Variants in CATSPERT observed in about 807,000 individuals in gnomAD.
The protein encoded by CATSPERT is catsper channel auxiliary subunit tau.
At chr2:201,583,238 GAAGAC>G in the CATSPERT span, among the ~76,000 whole-genome samples, 4 of 152,100 alleles carry the variant, frequency 2.6e-5, no homozygotes, top group Non-Finnish European at 5.9e-5. Context: ...AAAGAACAGA[GAAGAC>G]AAGACATGAT....
At chr2:201,491,747 G>A in the CATSPERT span, 6 of 1,536,980 alleles carry the variant, frequency 3.9e-6, no homozygotes, top group Admixed American at 9.8e-5. Flanking sequence ...ATGTTTACAT[G>A]CTCCTTTCTA....
At chr2:201,505,569 T>C in the CATSPERT span, among the ~76,000 whole-genome samples, 2 of 152,280 alleles carry the variant, frequency 1.3e-5, no homozygotes, top group African/African-American at 4.8e-5. Flanking sequence ...ATTGGGGACA[T>C]TCTGCAGGAT....
the CATSPERT span, chr2:201,601,619 A>G: frequency 1.1e-6 from 1 of 927,130 alleles, no homozygotes; most frequent in South Asian, 1.8e-5. Context: ...GATACCAAAT[A>G]AAAAGGCACT....
the CATSPERT span, among the ~76,000 whole-genome samples, chr2:201,548,634 G>T: frequency 6.6e-6 from 1 of 152,120 alleles, no homozygotes; most frequent in East Asian, 1.9e-4. Context: ...ATACCTTAAA[G>T]ATATAATTAA....
At chr2:201,544,819 T>TAA in the CATSPERT span, among the ~76,000 whole-genome samples, 1 of 52,042 alleles carries the variant, frequency 1.9e-5, no homozygotes, top group South Asian at 7.4e-4. Flanking sequence ...ATCCTGTCTC[T>TAA]ACAAAAAAAA....
At chr2:201,598,339 A>G in the CATSPERT span, among the ~76,000 whole-genome samples, 1 of 152,162 alleles carries the variant, frequency 6.6e-6, no homozygotes, top group East Asian at 1.9e-4. Flanking sequence ...TCCAGGCCTC[A>G]AGCATTCCTC....
chr2:201,612,363 C>T, the CATSPERT span, among the ~76,000 whole-genome samples: 8 of 151,988 alleles, frequency 5.3e-5, no homozygotes, highest in Non-Finnish European at 8.8e-5. Flanking sequence ...CACCTGAGGT[C>T]AGGAGTTCAA....
the CATSPERT span, among the ~76,000 whole-genome samples, chr2:201,523,811 G>A: frequency 6.6e-6 from 1 of 152,084 alleles, no homozygotes; most frequent in Admixed American, 6.6e-5. Context: ...AAACTAATCT[G>A]GTAGAGCTGA....
chr2:201,487,940 G>A, the CATSPERT span: 2 of 1,500,130 alleles, frequency 1.3e-6, no homozygotes, highest in Non-Finnish European at 1.8e-6. Flanking sequence ...GGTAAATTAG[G>A]TTTCTTAAAA....
chr2:201,584,698 G>A, the CATSPERT span, among the ~76,000 whole-genome samples: 4 of 151,838 alleles, frequency 2.6e-5, no homozygotes, highest in Non-Finnish European at 2.9e-5. Context: ...CAGGAGAATC[G>A]CTTGAACCCG....
At chr2:201,595,807 T>A in the CATSPERT span, among the ~76,000 whole-genome samples, 1 of 149,936 alleles carries the variant, frequency 6.7e-6, no homozygotes, top group East Asian at 1.9e-4. Context: ...AACAATCATG[T>A]GAAAAAAAGC....
At chr2:201,511,845 TAAAAAAAAAAAA>T in the CATSPERT span, 2 of 86,628 alleles carry the variant, frequency 2.3e-5, no homozygotes, top group African/African-American at 4.7e-5. Flanking sequence ...CTTGGCTCAT[TAAAAAAAAAAAA>T]AAAAAAAAAA....
chr2:201,542,693 T>TTTTA, the CATSPERT span, among the ~76,000 whole-genome samples: 1 of 152,202 alleles, frequency 6.6e-6, no homozygotes, highest in Non-Finnish European at 1.5e-5. Flanking sequence ...TCAGTCCATT[T>TTTTA]TTTATTTATT....
chr2:201,581,406 A>G, the CATSPERT span, among the ~76,000 whole-genome samples: 1 of 132,872 alleles, frequency 7.5e-6, no homozygotes, highest in African/African-American at 2.9e-5. Context: ...TAAAAGTGTA[A>G]GTGTGGGTTT....
At chr2:201,616,998 C>T in the CATSPERT span, among the ~76,000 whole-genome samples, 6 of 152,160 alleles carry the variant, frequency 3.9e-5, no homozygotes, top group Non-Finnish European at 8.8e-5. Flanking sequence ...ATCCAACTTA[C>T]AAGGGATGTG....
At chr2:201,563,226 G>T in the CATSPERT span, among the ~76,000 whole-genome samples, 2 of 136,990 alleles carry the variant, frequency 1.5e-5, no homozygotes, top group South Asian at 2.4e-4. Flanking sequence ...CTGGGCGGCT[G>T]GCTGGGCAGA....
At chr2:201,576,877 C>T in the CATSPERT span, among the ~76,000 whole-genome samples, 1 of 152,128 alleles carries the variant, frequency 6.6e-6, no homozygotes, top group Non-Finnish European at 1.5e-5. Flanking sequence ...AGCTGAGTCC[C>T]GATAGGACTG....
At chr2:201,542,664 T>A in the CATSPERT span, among the ~76,000 whole-genome samples, 1 of 152,218 alleles carries the variant, frequency 6.6e-6, no homozygotes, top group Non-Finnish European at 1.5e-5. Flanking sequence ...CTTCTTTGGA[T>A]AAATATGTAT....
the CATSPERT span, among the ~76,000 whole-genome samples, chr2:201,559,056 G>A: frequency 6.6e-6 from 1 of 152,306 alleles, no homozygotes; most frequent in South Asian, 2.1e-4. Context: ...CCAAGCCGAA[G>A]AGACTCTTGA....
Sources: allele counts gnomAD v4.1 joint callset (sites outside exome capture counted in the v4.1 genomes callset), GRCh38; gene constraint gnomAD v4.1.1; transcripts MANE v1.5; gene names NCBI Gene and HGNC (gene_info 2026-07-23, HGNC 2026-07-21).